Variants in NPAS3 observed in about 807,000 individuals in gnomAD.
The protein encoded by NPAS3 is neuronal PAS domain protein 3.
Under a neutral mutation model 73.1 loss-of-function variants are expected in NPAS3, and 14 were observed. That is an observed-to-expected ratio of 0.19 (90% CI 0.13 to 0.30). NPAS3 has a LOEUF of 0.30. Ranked by LOEUF, NPAS3 falls within the 10% of genes least tolerant of loss-of-function variation. The probability of loss-of-function intolerance (pLI) is 1.00; values close to 1 mark genes in which losing one functional copy is unlikely to be tolerated. For missense variants in NPAS3, 1,096 were observed against 1,250.0 expected, an observed-to-expected ratio of 0.88 and a Z score of 1.86; for synonymous variants, 620 against 541.5, an observed-to-expected ratio of 1.14 and a Z score of -2.01.
chr14:33,352,307 A>G (rs2045103519), intron 3 of NPAS3, among the ~76,000 whole-genome samples: 1 of 152,234 alleles, frequency 6.6e-6, no homozygotes, highest in African/African-American at 2.4e-5. Flanking sequence ...CGGAAAAGTC[A>G]TATACACCAC....
rs140358341 is a variant in NPAS3 at position 33,508,394 on chromosome 14, G to A, written c.469-51727G>A. On this transcript the variant is annotated intron_variant, in intron 4 of 11. Transcript: ENST00000356141. The stretch of plus-strand genomic sequence containing the variant: ...AGCAGTGAAGCAATGCCGAAAAGGG[G>A]GCTTAGGGGGATACTAAGTACGAAG... Among the ~76,000 whole-genome samples, 41 of 152,140 alleles carry A rather than the reference G, an allele frequency of 2.7e-4. 1 individual carries two copies. In the East Asian group the frequency reaches 8.0e-3, roughly 30 times the overall value.
At chr14:33,476,084 G>A (rs1390300212) in intron 4 of NPAS3, among the ~76,000 whole-genome samples, 1 of 152,110 alleles carries the variant, frequency 6.6e-6, no homozygotes, top group African/African-American at 2.4e-5. Flanking sequence ...CATAACGATG[G>A]TTTTTCCTTA....
At chr14:33,683,006 GAGA>G (rs1200881507) in intron 6 of NPAS3, among the ~76,000 whole-genome samples, 1 of 152,118 alleles carries the variant, frequency 6.6e-6, no homozygotes, top group Non-Finnish European at 1.5e-5. Flanking sequence ...TTTGTTCCCA[GAGA>G]AGATGTTGGA....
intron 2 of NPAS3, among the ~76,000 whole-genome samples, chr14:33,194,963 A>G (rs1248485193): frequency 6.6e-6 from 1 of 152,198 alleles, no homozygotes; most frequent in East Asian, 1.9e-4. Context: ...ACTAGTATAA[A>G]TATGACTTAC....
chr14:33,448,170 G>T (rs546340913), intron 4 of NPAS3, among the ~76,000 whole-genome samples: 3 of 152,158 alleles, frequency 2.0e-5, no homozygotes, highest in African/African-American at 7.2e-5. Context: ...GACTGATTAG[G>T]GTTGAAACTT....
At chr14:33,708,075 AAGCAGC>A (rs201354138) in intron 6 of NPAS3, among the ~76,000 whole-genome samples, 15 of 151,934 alleles carry the variant, frequency 9.9e-5, no homozygotes, top group African/African-American at 3.4e-4. Flanking sequence ...AAACACAAAA[AAGCAGC>A]AGCAGCAGCA....
At chr14:33,017,652 C>G (rs192095562) in intron 1 of NPAS3, among the ~76,000 whole-genome samples, 8 of 152,264 alleles carry the variant, frequency 5.3e-5, no homozygotes, top group Admixed American at 2.6e-4. Flanking sequence ...GTGGTCTAAA[C>G]TTAAAGCCTG....
chr14:33,028,272 A>G (rs2039874143), intron 1 of NPAS3, among the ~76,000 whole-genome samples: 1 of 152,144 alleles, frequency 6.6e-6, no homozygotes. Context: ...TCTTTTCTGT[A>G]TTTCTGCCTC....
chr14:33,398,016 T>C (rs550612009), intron 4 of NPAS3, among the ~76,000 whole-genome samples: 1 of 152,154 alleles, frequency 6.6e-6, no homozygotes, highest in East Asian at 1.9e-4. Context: ...CCTCCAATTA[T>C]CTTTTCAGTA....
At chr14:33,683,692 T>C (rs1332981501) in intron 6 of NPAS3, among the ~76,000 whole-genome samples, 3 of 152,200 alleles carry the variant, frequency 2.0e-5, no homozygotes, top group Non-Finnish European at 4.4e-5. Flanking sequence ...GAGGCAGAAC[T>C]GGCTGGAAAC....
At chr14:33,021,449 A>G (rs1434888464) in intron 1 of NPAS3, among the ~76,000 whole-genome samples, 1 of 152,172 alleles carries the variant, frequency 6.6e-6, no homozygotes, top group Non-Finnish European at 1.5e-5. Context: ...CCAAATGTGT[A>G]TATTTCTTGC....
chr14:32,977,681 G>C (rs1038174661), intron 1 of NPAS3, among the ~76,000 whole-genome samples: 3 of 148,528 alleles, frequency 2.0e-5, no homozygotes, highest in Admixed American at 6.9e-5. Flanking sequence ...GCAGTGAACC[G>C]TGATTGCACC....
chr14:33,703,685 CAAT>C (rs2060583082), intron 6 of NPAS3, among the ~76,000 whole-genome samples: 1 of 151,998 alleles, frequency 6.6e-6, no homozygotes, highest in South Asian at 2.1e-4. Flanking sequence ...TTAACAACAA[CAAT>C]AATAATAGCA....
At chr14:33,045,811 G>T (rs777399687) in intron 1 of NPAS3, among the ~76,000 whole-genome samples, 15 of 152,130 alleles carry the variant, frequency 9.9e-5, no homozygotes, top group Non-Finnish European at 1.6e-4. Context: ...GCTTTATAGG[G>T]AAGGTACATT....
rs1302681763 is a variant in NPAS3 at position 33,071,952 on chromosome 14, GC to G, written c.140+15959del. Among the ~76,000 whole-genome samples the G allele has an allele frequency of 2.6e-5, 4 of 152,148 alleles. No individual in the cohort carries two copies. The South Asian group carries it at 8.3e-4, about 32-fold the overall frequency. ...GTCACCCAGGCTAGAGGGCATTGGTGCAACCTCAGCTCACTGCAATCTCCGC... is the reference window on the plus strand; with the variant it reads ...GTCACCCAGGCTAGAGGGCATTGGTGAACCTCAGCTCACTGCAATCTCCGC... On this transcript the variant is annotated intron_variant, in intron 2 of 11. Transcript: ENST00000356141.
intron 5 of NPAS3, among the ~76,000 whole-genome samples, chr14:33,648,026 T>TCCCC (rs771098866): frequency 1.7e-3 from 264 of 152,262 alleles, no homozygotes; most frequent in Non-Finnish European, 3.4e-3. Flanking sequence ...CTATTTAACC[T>TCCCC]CCCCTGCTAC....
In NPAS3 at chr14:33,246,950, G is replaced by A. The variant is rs71419942; in HGVS notation, c.385+31524G>A. Among the ~76,000 whole-genome samples, 355 of 149,610 alleles carry A rather than the reference G, an allele frequency of 2.4e-3. 5 individuals are homozygous for A. Among genetic ancestry groups the A allele is most frequent in the Non-Finnish European group, 3.5e-3 (236 of 67,356 alleles). On this transcript the variant is annotated intron_variant, in intron 3 of 11. Transcript: ENST00000356141. Reference sequence around the variant, plus strand: ...AATTGCTTGAACCTGGGAGGCAGATGTTGCAGTAAGCCAAGACCATGTTAT... The same window carrying A: ...AATTGCTTGAACCTGGGAGGCAGATATTGCAGTAAGCCAAGACCATGTTAT...
chr14:33,387,294 C>T (rs772745240), intron 4 of NPAS3, among the ~76,000 whole-genome samples: 13 of 152,092 alleles, frequency 8.5e-5, no homozygotes, highest in African/African-American at 1.4e-4. Flanking sequence ...CTTGGGTATT[C>T]GAGGTTGGAT....
At chr14:33,224,032 G>A (rs1378695281) in intron 3 of NPAS3, among the ~76,000 whole-genome samples, 1 of 152,042 alleles carries the variant, frequency 6.6e-6, no homozygotes, top group African/African-American at 2.4e-5. Flanking sequence ...AAACTTTAGG[G>A]AACACACTTA....
Sources: gnomAD v4.1 joint callset for allele counts (sites outside exome capture counted in the v4.1 genomes callset) on GRCh38, gnomAD v4.1.1 for gene constraint, MANE v1.5 for transcripts, NCBI Gene and HGNC (gene_info 2026-07-23, HGNC 2026-07-21) for gene names.